CLIC4: variants seen among roughly 807,000 people sequenced by gnomAD.
CLIC4 encodes the protein CLIC family member 4.
CLIC4 carries 13 observed loss-of-function variants against 24.6 expected under a neutral mutation model. The ratio of observed to expected loss-of-function variants is 0.53; its 90% CI spans 0.34 to 0.84. The LOEUF (loss-of-function observed/expected upper bound fraction) is 0.84. CLIC4 is among the 40% of genes least tolerant of loss of function. The probability of loss-of-function intolerance (pLI) is 0.01; values close to 1 mark genes in which losing one functional copy is unlikely to be tolerated. For synonymous variants in CLIC4, 104 were observed against 111.3 expected (o/e 0.93, Z 0.41); for missense variants, 227 against 301.7 (o/e 0.75, Z 1.83).
At chr1:24,806,491 G>C (rs1639551314) in intron 2 of CLIC4, among the ~76,000 whole-genome samples, 1 of 152,136 alleles carries the variant, frequency 6.6e-6, no homozygotes, top group Admixed American at 6.5e-5. Context: ...CTTGGAAACA[G>C]TTTTATCGCT....
Position 24,840,833 on chromosome 1 carries a change from T to C in CLIC4, c.658T>C (p.Tyr220His). ...AAAAGAAATGACTGGCATCTGGAGA[T>C]ACCTAACTAATGCATACAGTAGGGA... Reference protein sequence around the residue: ...IPKEMTGIWRYLTNAYSRDEF... With the variant: ...IPKEMTGIWRHLTNAYSRDEF... Residue 220 changes from tyrosine to histidine, a missense_variant, in exon 6 of 6, where the codon TAC becomes CAC. By Grantham distance (83) the Tyr-to-His change is moderately conservative. Coordinates refer to ENST00000374379, the MANE Select transcript of CLIC4 (RefSeq NM_013943.3). The C allele has an allele frequency of 6.2e-7, 1 of 1,612,416 alleles. No homozygotes were observed. The highest frequency in any genetic ancestry group is 1.1e-5 in the South Asian group (1 of 90,736).
intron 1 of CLIC4, among the ~76,000 whole-genome samples, chr1:24,796,082 T>C (rs1488874690): frequency 6.6e-6 from 1 of 152,250 alleles, no homozygotes; most frequent in East Asian, 1.9e-4. Flanking sequence ...CCATTAGTCA[T>C]ATGTGGCTAT....
At chr1:24,823,840 A>G (rs1367934803) in intron 3 of CLIC4, among the ~76,000 whole-genome samples, 2 of 151,902 alleles carry the variant, frequency 1.3e-5, no homozygotes, top group African/African-American at 2.4e-5. Flanking sequence ...TCATTTTTAT[A>G]TTTACACCAG....
intron 1 of CLIC4, among the ~76,000 whole-genome samples, chr1:24,755,618 A>G (rs1638837719): frequency 6.6e-6 from 1 of 151,858 alleles, no homozygotes; most frequent in Non-Finnish European, 1.5e-5. Flanking sequence ...CTTAAAAAAA[A>G]AAAAGAAAAG....
chr1:24,774,518 G>T (rs1639108089), intron 1 of CLIC4, among the ~76,000 whole-genome samples: 1 of 152,100 alleles, frequency 6.6e-6, no homozygotes, highest in South Asian at 2.1e-4. Context: ...TCTTGACTGG[G>T]CGTGGTGGCT....
At chr1:24,768,366 TA>T (rs1300293625) in intron 1 of CLIC4, among the ~76,000 whole-genome samples, 1 of 152,224 alleles carries the variant, frequency 6.6e-6, no homozygotes, top group Admixed American at 6.5e-5. Context: ...AGCCTTTATC[TA>T]ATGCTTTCTT....
chr1:24,787,869 T>G (rs1384105329), intron 1 of CLIC4, among the ~76,000 whole-genome samples: 24 of 129,490 alleles, frequency 1.9e-4, no homozygotes, highest in East Asian at 4.4e-4. Flanking sequence ...TTTTTTTTTT[T>G]GGGAGAGACA....
intron 2 of CLIC4, among the ~76,000 whole-genome samples, chr1:24,811,274 C>T (rs1414533554): frequency 1.3e-5 from 2 of 152,076 alleles, no homozygotes; most frequent in Non-Finnish European, 2.9e-5. Flanking sequence ...CATTCATTAC[C>T]TTGTGATATC....
chr1:24,820,317 C>T (rs1314634438), intron 3 of CLIC4, among the ~76,000 whole-genome samples: 1 of 137,414 alleles, frequency 7.3e-6, no homozygotes, highest in Non-Finnish European at 1.5e-5. Context: ...CTCTGTTGCC[C>T]AGGCTGGAGT....
rs1450054668 is a variant in CLIC4 at position 24,772,700 on chromosome 1, G to T, written c.73-25042G>T. Among the ~76,000 whole-genome samples the T allele has an allele frequency of 2.6e-5, 4 of 152,244 alleles. 1 individual carries two copies. In the East Asian group the frequency reaches 7.7e-4, roughly 29 times the overall value. On this transcript the variant is annotated intron_variant, in intron 1 of 5. Transcript: ENST00000374379. ...GGGGTTTCACCATCTTGGCCAGGCT[G>T]GTCTTGAACCCCTGACCTCATGATC...
chr1:24,838,015 GTCTATTGGACATCTCTACTCACA>G (rs1639902973), intron 4 of CLIC4, among the ~76,000 whole-genome samples: 1 of 152,050 alleles, frequency 6.6e-6, no homozygotes, highest in South Asian at 2.1e-4. Flanking sequence ...ATATTTGTCT[GTCTATTGGACATCTCTACTCACA>G]TGTCTTACAG....
intron 1 of CLIC4, among the ~76,000 whole-genome samples, chr1:24,761,424 G>A (rs1050955531): frequency 1.3e-5 from 2 of 152,164 alleles, no homozygotes; most frequent in African/African-American, 4.8e-5. Flanking sequence ...AGGATGAGTA[G>A]TAATTAGAAT....
At chr1:24,795,396 C>A (rs775857970) in intron 1 of CLIC4, among the ~76,000 whole-genome samples, 5 of 151,930 alleles carry the variant, frequency 3.3e-5, no homozygotes, top group Admixed American at 1.3e-4. Flanking sequence ...GTGGTGCATG[C>A]CTGTAGTTTC....
rs754570751 is a variant in CLIC4, at chr1:24,844,001, A to G, written c.*3064A>G. The G allele has an allele frequency of 1.3e-5, 2 of 152,630 alleles. No individual in the cohort carries two copies. The highest frequency in any genetic ancestry group is 2.9e-5 in the Non-Finnish European group (2 of 68,016). 9.5% of individuals were successfully genotyped at this position (152,630 alleles called of 1,614,324 possible). A position where few individuals can be genotyped will look rare whatever the true frequency, so the allele number is the denominator to read the frequency against. The stretch of plus-strand genomic sequence containing the variant: ...TTAATTCAAAGAGAGGGGAGCATCC[A>G]TTATTGATACATGTGGGCTTTTAAA... On this transcript the variant is annotated 3_prime_UTR_variant, in exon 6 of 6. Coordinates refer to ENST00000374379, the MANE Select transcript of CLIC4 (RefSeq NM_013943.3).
intron 3 of CLIC4, among the ~76,000 whole-genome samples, chr1:24,825,559 TA>T (rs1355526310): frequency 6.6e-6 from 1 of 152,204 alleles, no homozygotes; most frequent in Non-Finnish European, 1.5e-5. Context: ...ACTCTTTATG[TA>T]AATAATTGTG....
intron 4 of CLIC4, among the ~76,000 whole-genome samples, chr1:24,836,770 C>G (rs906528076): frequency 6.6e-6 from 1 of 152,068 alleles, no homozygotes; most frequent in Non-Finnish European, 1.5e-5. Flanking sequence ...CCCAGGAGTT[C>G]GAGGTTGCAG....
At chr1:24,807,159 T>A (rs923866502) in intron 2 of CLIC4, among the ~76,000 whole-genome samples, 11 of 151,998 alleles carry the variant, frequency 7.2e-5, no homozygotes, top group Non-Finnish European at 1.5e-4. Context: ...AATAAAAATT[T>A]AAAAAATTAA....
chr1:24,768,810 A>G (rs888314231), intron 1 of CLIC4, among the ~76,000 whole-genome samples: 1 of 151,858 alleles, frequency 6.6e-6, no homozygotes, highest in Non-Finnish European at 1.5e-5. Flanking sequence ...CTAAGGCAGA[A>G]GAATCACTTG....
chr1:24,769,154 AC>A (rs1419579008), intron 1 of CLIC4, among the ~76,000 whole-genome samples: 6 of 151,244 alleles, frequency 4.0e-5, no homozygotes, highest in Admixed American at 3.3e-4. Context: ...AAACAAAAAA[AC>A]ATAATGTAAG....
Sources: allele counts gnomAD v4.1 joint callset (sites outside exome capture counted in the v4.1 genomes callset), GRCh38; gene constraint gnomAD v4.1.1; transcripts MANE v1.5; gene names NCBI Gene and HGNC (gene_info 2026-07-23, HGNC 2026-07-21).